The following LHX8 variants were observed in gnomAD, a reference collection of about 807,000 sequenced individuals.
LHX8 encodes LIM/homeobox protein Lhx8.
Under a neutral mutation model 40.3 loss-of-function variants are expected in LHX8, and 12 were observed. The observed-to-expected ratio is 0.30, with a 90% CI of 0.19 to 0.48. The LOEUF (loss-of-function observed/expected upper bound fraction) is 0.48, where lower values mean the gene tolerates loss of function less well. LHX8 is among the 20% of genes least tolerant of loss of function. The pLI is 0.99. For missense variants in LHX8, 344 were observed against 433.7 expected (o/e 0.79, Z 1.84); for synonymous variants, 179 against 162.0 (o/e 1.10, Z -0.80).
downstream of LHX8, among the ~76,000 whole-genome samples, chr1:75,165,581 T>C (rs1649014936): frequency 6.6e-6 from 1 of 151,978 alleles, no homozygotes; most frequent in Admixed American, 6.6e-5. Context: ...GGGGTATCAA[T>C]GGAGGAAAAA....
chr1:75,135,846 C>T (rs368925239), intron 1 of LHX8, among the ~76,000 whole-genome samples: 2 of 152,092 alleles, frequency 1.3e-5, no homozygotes, highest in Non-Finnish European at 2.9e-5. Flanking sequence ...TAAAAATAAT[C>T]CTTTAGTAGC....
chr1:75,139,379 A>G (rs1487747347), intron 3 of LHX8, among the ~76,000 whole-genome samples: 2 of 152,166 alleles, frequency 1.3e-5, no homozygotes, highest in African/African-American at 2.4e-5. Flanking sequence ...AAAAAACGTG[A>G]CAACCAGGTC....
intron 3 of LHX8, among the ~76,000 whole-genome samples, chr1:75,139,543 G>A (rs12129029): frequency 0.2 from 31,016 of 151,900 alleles, 4,111 homozygotes; most frequent in Middle Eastern, 0.34. Context: ...ACTTTATACT[G>A]GTTGGTCCCA....
At chr1:75,133,094 G>C (rs544809479), upstream of LHX8, 5 of 152,198 alleles carry the variant, frequency 3.3e-5, no homozygotes, top group East Asian at 9.7e-4. Flanking sequence ...TAATTATATC[G>C]TCCTCCTCCC....
intron 3 of LHX8, among the ~76,000 whole-genome samples, chr1:75,140,322 C>T (rs1020881180): frequency 1.8e-4 from 28 of 152,010 alleles, no homozygotes; most frequent in Admixed American, 1.8e-3. Context: ...TTATTTTTTT[C>T]TCCTGTAGCC....
the LHX8 span, among the ~76,000 whole-genome samples, chr1:75,170,278 T>C: frequency 6.6e-6 from 1 of 152,134 alleles, no homozygotes; most frequent in African/African-American, 2.4e-5. Flanking sequence ...TAAAATTCTG[T>C]TTAATATTAA....
chr1:75,131,003 C>CAAGGG, upstream of LHX8: 1 of 520,526 alleles, frequency 1.9e-6, no homozygotes, highest in East Asian at 3.4e-5. Context: ...GTCCTATGGC[C>CAAGGG]CACTGTACCC....
At chr1:75,135,650 G>T (rs1034790518) in intron 1 of LHX8, among the ~76,000 whole-genome samples, 10 of 152,252 alleles carry the variant, frequency 6.6e-5, no homozygotes, top group African/African-American at 2.4e-4. Context: ...GGAAACGAAA[G>T]CGGTCTAAGC....
At chr1:75,164,918 C>T (rs1649001122), downstream of LHX8, among the ~76,000 whole-genome samples, 1 of 152,044 alleles carries the variant, frequency 6.6e-6, no homozygotes, top group South Asian at 2.1e-4. Context: ...AAGCAGTCCT[C>T]CCACCTGTCT....
chr1:75,194,598 C>A, the LHX8 span, among the ~76,000 whole-genome samples: 1 of 152,148 alleles, frequency 6.6e-6, no homozygotes, highest in African/African-American at 2.4e-5. Context: ...CTGTTTGAGG[C>A]TGATGTGCTT....
the LHX8 span, among the ~76,000 whole-genome samples, chr1:75,172,090 C>T: frequency 6.6e-6 from 1 of 152,152 alleles, no homozygotes; most frequent in Non-Finnish European, 1.5e-5. Flanking sequence ...TCTCTTGAAG[C>T]ACAAAAATTC....
chr1:75,199,407 T>G, the LHX8 span, among the ~76,000 whole-genome samples: 1 of 152,220 alleles, frequency 6.6e-6, no homozygotes, highest in Non-Finnish European at 1.5e-5. Context: ...AGGCTCCACG[T>G]TAATTTGTAA....
intron 4 of LHX8, among the ~76,000 whole-genome samples, chr1:75,142,516 A>G (rs1648343009): frequency 6.6e-6 from 1 of 152,190 alleles, no homozygotes; most frequent in African/African-American, 2.4e-5. Flanking sequence ...ATGGATAACA[A>G]TACAATAGCT....
At chr1:75,194,145 A>G in the LHX8 span, among the ~76,000 whole-genome samples, 3 of 152,206 alleles carry the variant, frequency 2.0e-5, no homozygotes. Context: ...CACAGCATGA[A>G]ACTATTAGCC....
chr1:75,137,363 C>A, intron 3 of LHX8, 102 bp downstream of exon 3: 1 of 1,243,006 alleles, frequency 8.0e-7, no homozygotes, highest in Non-Finnish European at 1.2e-6. Flanking sequence ...CGTTCAAGTT[C>A]TGGGTGAAGG....
intron 6 of LHX8, among the ~76,000 whole-genome samples, chr1:75,146,252 C>T (rs1280048196): frequency 1.3e-5 from 2 of 151,908 alleles, no homozygotes; most frequent in Non-Finnish European, 2.9e-5. Flanking sequence ...TCAGTACCTG[C>T]TTTGGACAGA....
intron 1 of LHX8, among the ~76,000 whole-genome samples, chr1:75,129,078 T>C (rs906336116): frequency 1.3e-5 from 2 of 152,252 alleles, no homozygotes; most frequent in Non-Finnish European, 2.9e-5. Context: ...AAGAACCTCC[T>C]GTGTGGATGA....
At position 75,156,581 on chromosome 1, in the gene LHX8, C is replaced by T. The variant is rs562385251; in HGVS notation, c.781-312C>T. Among the ~76,000 whole-genome samples, 7 of 152,192 alleles carry T rather than the reference C, an allele frequency of 4.6e-5. No individual in the cohort carries two copies. The South Asian group carries it at 1.0e-3, about 23-fold the overall frequency. ...TTAATAATTGCATTCAAGGGGTAAC[C>T]TTAACGTTTGACCAACTCAAATTCA... On this transcript the variant is annotated intron_variant, in intron 7 of 8. Coordinates refer to ENST00000356261, the MANE Select transcript of LHX8 (RefSeq NM_001256114.2).
the LHX8 span, among the ~76,000 whole-genome samples, chr1:75,198,168 G>T: frequency 2.6e-5 from 4 of 152,104 alleles, no homozygotes; most frequent in Non-Finnish European, 5.9e-5. Context: ...TGTTAAAAAA[G>T]TCTCATATGG....
Sources: gnomAD v4.1 joint callset for allele counts (sites outside exome capture counted in the v4.1 genomes callset) on GRCh38, gnomAD v4.1.1 for gene constraint, MANE v1.5 for transcripts, NCBI Gene and HGNC (gene_info 2026-07-23, HGNC 2026-07-21) for gene names.